Variants in SLC5A11 observed in about 807,000 individuals in gnomAD.
SLC5A11 encodes solute carrier family 5 member 11.
Under a neutral mutation model 69.8 loss-of-function variants are expected in SLC5A11, and 48 were observed. The ratio of observed to expected loss-of-function variants is 0.69; its 90% CI spans 0.55 to 0.87. The LOEUF is 0.87. Ranked by LOEUF, SLC5A11 falls within the 40% of genes least tolerant of loss-of-function variation. SLC5A11 has a pLI of 0.00. For missense variants in SLC5A11, 784 were observed against 866.1 expected, an observed-to-expected ratio of 0.91 and a Z score of 1.19; for synonymous variants, 319 against 342.4, an observed-to-expected ratio of 0.93 and a Z score of 0.75.
At chr16:24,911,573 A>G (rs765329704) in exon 16 of SLC5A11, 6 of 1,583,302 alleles carry the variant, frequency 3.8e-6, no homozygotes, top group Non-Finnish European at 5.2e-6. Context: ...GTTTCTCTTC[A>G]GTGCTCCATT....
chr16:24,898,007 C>T lies in SLC5A11; in HGVS notation c.904C>T (p.Leu302=), dbSNP rs778314943. The T allele has an allele frequency of 7.4e-6, 12 of 1,614,164 alleles. No individual in the cohort carries two copies. In the South Asian group the frequency reaches 1.2e-4, roughly 16 times the overall value. Reference sequence around the variant, plus strand: ...CCAGCGGACTCTGGCTGCCAAGAACCTGTCCCATGCCAAAGGAGGTGCTCT... The same window carrying T: ...CCAGCGGACTCTGGCTGCCAAGAACTTGTCCCATGCCAAAGGAGGTGCTCT... The change falls in exon 10 of 16, where the codon CTG becomes TTG. Residue 302 remains leucine (L), a synonymous_variant. Transcript: ENST00000347898.
intron 8 of SLC5A11, 56 bp downstream of exon 9, chr16:24,884,187 A>G: frequency 1.9e-6 from 3 of 1,539,010 alleles, no homozygotes; most frequent in Non-Finnish European, 2.7e-6. Flanking sequence ...TCCAGCAGGG[A>G]TATCTGCTCT....
At chr16:24,867,682 A>T (rs2047001317) in intron 3 of SLC5A11, among the ~76,000 whole-genome samples, 1 of 152,102 alleles carries the variant, frequency 6.6e-6, no homozygotes, top group Admixed American at 6.6e-5. Flanking sequence ...AAAAAGGGGG[A>T]ATTTCCATCA....
intron 10 of SLC5A11, among the ~76,000 whole-genome samples, chr16:24,903,642 T>C (rs1000124796): frequency 3.3e-5 from 5 of 152,200 alleles, no homozygotes; most frequent in African/African-American, 1.2e-4. Flanking sequence ...TAACATAATA[T>C]TCTCCAAGTT....
At chr16:24,878,847 A>T (rs562471427) in intron 7 of SLC5A11, among the ~76,000 whole-genome samples, 67 of 152,348 alleles carry the variant, frequency 4.4e-4, no homozygotes, top group African/African-American at 1.3e-3. Flanking sequence ...AGCCTAGCCA[A>T]CATGGCAAAA....
exon 14 of SLC5A11, chr16:24,908,965 G>A (rs377315381): frequency 1.7e-5 from 28 of 1,614,002 alleles, no homozygotes; most frequent in South Asian, 2.2e-5. Context: ...GCCTCGATGC[G>A]ACCAGCCAGA....
Position 24,911,437 on chromosome 16 carries a change from T to C in SLC5A11, c.1932T>C (p.Val644=). 3 of 1,614,120 alleles carry C rather than the reference T, an allele frequency of 1.9e-6. No individual in the cohort carries two copies. In the South Asian group the frequency reaches 3.3e-5, roughly 18 times the overall value. The change falls in exon 16 of 16, where the codon GTT becomes GTC. Residue 644 remains valine, a synonymous_variant. Coordinates refer to ENST00000347898, the Ensembl canonical transcript of SLC5A11. ...CGGCCAGAGCAGAAGCCATCATAGT[T>C]TCCCTGGAAGAAAACCCCTTGGTGA... is the stretch of plus-strand genomic sequence containing the variant.
exon 6 of SLC5A11, chr16:24,875,726 A>T: frequency 6.2e-7 from 1 of 1,613,348 alleles, no homozygotes; most frequent in Non-Finnish European, 8.5e-7. Context: ...CTTCACCAAG[A>T]TCTCGGTAAG....
exon 9 of SLC5A11, chr16:24,890,921 C>T (rs1471002960): frequency 1.2e-6 from 2 of 1,614,084 alleles, no homozygotes; most frequent in Non-Finnish European, 1.7e-6. Flanking sequence ...ACTTCTTGGC[C>T]CTGGCTAGCA....
intron 15 of SLC5A11, 90 bp downstream of exon 16, chr16:24,910,567 G>C: frequency 7.2e-7 from 1 of 1,393,138 alleles, no homozygotes; most frequent in Non-Finnish European, 9.6e-7. Context: ...CACAAGCCAG[G>C]AAAGTGGGCA....
intron 8 of SLC5A11, among the ~76,000 whole-genome samples, chr16:24,890,512 AAAAG>A (rs2048714024): frequency 6.2e-5 from 1 of 16,164 alleles, no homozygotes; most frequent in Non-Finnish European, 1.7e-4. Context: ...AAAAAAAAAA[AAAAG>A]AAGGAAGGAA....
Position 24,856,974 on chromosome 16 carries a change from C to T in SLC5A11, c.-24-1646C>T, listed in dbSNP as rs185060570. On this transcript the variant is annotated intron_variant, in intron 1 of 15. Coordinates refer to ENST00000347898, the Ensembl canonical transcript of SLC5A11. ...TAGCTGGGACTACAGGCATGCGCCA[C>T]CACACCCAGCTAATTTTTGTATTTT... Among the ~76,000 whole-genome samples the T allele has an allele frequency of 2.0e-3, 306 of 152,016 alleles. 1 individual carries two copies. The highest frequency in any genetic ancestry group is 7.0e-3 in the African/African-American group (292 of 41,524).
intron 3 of SLC5A11, among the ~76,000 whole-genome samples, chr16:24,865,587 A>G (rs901564737): frequency 1.3e-5 from 2 of 152,104 alleles, no homozygotes; most frequent in African/African-American, 2.4e-5. Context: ...TAAGATTATC[A>G]GCTGGTTTTT....
chr16:24,879,938 C>A (rs1044814598), intron 7 of SLC5A11, among the ~76,000 whole-genome samples: 5 of 152,112 alleles, frequency 3.3e-5, no homozygotes, highest in Admixed American at 2.0e-4. Flanking sequence ...GCACCTGTGT[C>A]AATTCCATGT....
intron 1 of SLC5A11, among the ~76,000 whole-genome samples, chr16:24,851,987 C>T (rs894086918): frequency 1.3e-5 from 2 of 150,626 alleles, no homozygotes; most frequent in Non-Finnish European, 3.0e-5. Flanking sequence ...CTCTCTCTCT[C>T]TCTCTCTCCC....
intron 4 of SLC5A11, 68 bp downstream of exon 5, chr16:24,870,073 TTG>T: frequency 9.0e-7 from 1 of 1,117,166 alleles, no homozygotes; most frequent in Non-Finnish European, 1.3e-6. Context: ...CAGGGGAAAG[TTG>T]TGTGAATGCC....
chr16:24,906,755 C>T (rs759000190), exon 11 of SLC5A11: 1 of 1,612,142 alleles, frequency 6.2e-7, no homozygotes, highest in African/African-American at 1.3e-5. Context: ...GCTGGAACTC[C>T]TGCCCACAGG....
chr16:24,888,474 ATTTCTT>A (rs2048532759), intron 8 of SLC5A11, among the ~76,000 whole-genome samples: 1 of 127,666 alleles, frequency 7.8e-6, no homozygotes, highest in African/African-American at 3.0e-5. Context: ...TCCAGTATCT[ATTTCTT>A]TTTTTTTTTT....
chr16:24,851,012 C>T (rs1234309271), intron 1 of SLC5A11, among the ~76,000 whole-genome samples: 4 of 151,756 alleles, frequency 2.6e-5, no homozygotes, highest in African/African-American at 7.2e-5. Context: ...GGTTTCATCA[C>T]GTTGGCCAGG....
Sources: allele counts gnomAD v4.1 joint callset (sites outside exome capture counted in the v4.1 genomes callset), GRCh38; gene constraint gnomAD v4.1.1; transcripts MANE v1.5; gene names NCBI Gene and HGNC (gene_info 2026-07-23, HGNC 2026-07-21).